HDAC4: variants seen among roughly 807,000 people sequenced by gnomAD.
HDAC4 encodes the protein histone deacetylase A.
In HDAC4, 16 loss-of-function variants were observed where a neutral mutation model predicts 135.1. The ratio of observed to expected loss-of-function variants is 0.12; its 90% CI spans 0.08 to 0.18. HDAC4 has a LOEUF of 0.18. HDAC4 is among the 10% of genes least tolerant of loss of function. HDAC4 has a pLI of 1.00. For missense variants in HDAC4, 1,143 were observed against 1,511.8 expected, an observed-to-expected ratio of 0.76 and a Z score of 4.05; for synonymous variants, 685 against 653.4, an observed-to-expected ratio of 1.05 and a Z score of -0.74.
At chr2:239,253,639 C>T (rs1026839767) in intron 2 of HDAC4, among the ~76,000 whole-genome samples, 2 of 152,220 alleles carry the variant, frequency 1.3e-5, no homozygotes, top group Non-Finnish European at 2.9e-5. Context: ...AAGGATCCCT[C>T]GCTTCCCACT....
intron 14 of HDAC4, among the ~76,000 whole-genome samples, chr2:239,108,842 T>C (rs1311457659): frequency 6.6e-6 from 1 of 152,230 alleles, no homozygotes; most frequent in African/African-American, 2.4e-5. Flanking sequence ...GAGCTCAGCA[T>C]GGACGGGCCC....
intron 1 of HDAC4, among the ~76,000 whole-genome samples, chr2:239,380,191 A>G (rs1695316281): frequency 6.6e-6 from 1 of 152,250 alleles, no homozygotes; most frequent in Admixed American, 6.5e-5. Context: ...GACCAGAGGA[A>G]TAAGAAGAAA....
At chr2:239,165,661 G>A (rs111406588) in intron 5 of HDAC4, among the ~76,000 whole-genome samples, 11 of 152,364 alleles carry the variant, frequency 7.2e-5, no homozygotes, top group Middle Eastern at 3.4e-3. Context: ...GCGGCCAGGT[G>A]CGCCTCAGGT....
At chr2:239,246,495 C>T (rs2048468401) in intron 2 of HDAC4, among the ~76,000 whole-genome samples, 1 of 152,208 alleles carries the variant, frequency 6.6e-6, no homozygotes, top group South Asian at 2.1e-4. Flanking sequence ...GAGCATAGAG[C>T]CAGGTGTGTG....
intron 2 of HDAC4, among the ~76,000 whole-genome samples, chr2:239,290,378 C>A (rs1021704000): frequency 3.3e-5 from 5 of 152,192 alleles, no homozygotes; most frequent in African/African-American, 1.2e-4. Flanking sequence ...GCACCAATGG[C>A]GTGAGGATGT....
chr2:239,356,162 A>T (rs986662926), intron 1 of HDAC4, among the ~76,000 whole-genome samples: 4 of 152,194 alleles, frequency 2.6e-5, no homozygotes, highest in Non-Finnish European at 4.4e-5. Context: ...TAGTTTTAAA[A>T]ATATATATAT....
At chr2:239,371,812 G>A (rs1694642126) in intron 1 of HDAC4, among the ~76,000 whole-genome samples, 1 of 152,196 alleles carries the variant, frequency 6.6e-6, no homozygotes, top group African/African-American at 2.4e-5. Flanking sequence ...TGAGGATCTG[G>A]GCCTGCGCAT....
chr2:239,181,117 G>A (rs1166318753), intron 4 of HDAC4, among the ~76,000 whole-genome samples: 1 of 152,238 alleles, frequency 6.6e-6, no homozygotes, highest in East Asian at 1.9e-4. Flanking sequence ...CCAGACATTG[G>A]GGACAGGACC....
rs151329979 is a variant in HDAC4 at position 239,268,812 on chromosome 2, G to A, written c.23-32148C>T. On this transcript the variant is annotated intron_variant, in intron 2 of 26. Coordinates refer to ENST00000543185, the MANE Select transcript of HDAC4 (RefSeq NM_001378414.1). ...ACCAAGAACAGGGTCAGACAGGCAA[G>A]CTTTTGTGCAGAAGCCTACCAGGGG... is the stretch of plus-strand genomic sequence containing the variant. Among the ~76,000 whole-genome samples, 9 of 152,360 alleles carry A rather than the reference G, an allele frequency of 5.9e-5. No individual in the cohort carries two copies. The East Asian group carries it at 1.2e-3, about 20-fold the overall frequency.
At chr2:239,398,924 G>A (rs1343648132) in intron 1 of HDAC4, among the ~76,000 whole-genome samples, 1 of 152,164 alleles carries the variant, frequency 6.6e-6, no homozygotes, top group African/African-American at 2.4e-5. Flanking sequence ...GAGTACAGCC[G>A]GCTTCTTTTC....
At chr2:239,075,964 C>T (rs1010124581) in intron 22 of HDAC4, among the ~76,000 whole-genome samples, 3 of 151,350 alleles carry the variant, frequency 2.0e-5, no homozygotes, top group Non-Finnish European at 4.4e-5. Flanking sequence ...CCAGCCACTC[C>T]CCTCAGCTTC....
chr2:239,340,757 T>A (rs1692250769), intron 2 of HDAC4, among the ~76,000 whole-genome samples: 1 of 152,130 alleles, frequency 6.6e-6, no homozygotes, highest in East Asian at 1.9e-4. Context: ...TGAGAGGACA[T>A]CTGTGCCCTG....
At chr2:239,385,760 G>A (rs1426590219) in intron 1 of HDAC4, among the ~76,000 whole-genome samples, 1 of 152,218 alleles carries the variant, frequency 6.6e-6, no homozygotes, top group African/African-American at 2.4e-5. Context: ...ACTCACAAAG[G>A]GGACAGGAGG....
chr2:239,115,347 T>C lies in HDAC4; in HGVS notation c.1534-37A>G, dbSNP rs747353958. 4.7e-5 allele frequency: 75 copies of C among 1,611,868 alleles called. No homozygotes were observed. The highest frequency in any genetic ancestry group is 1.6e-4 in the East Asian group (7 of 44,836). ...AGGTAACACATGAAGCACAGAGAGC[T>C]GGGTCCTCTGAGCTCATCTGACAGG... is the stretch of plus-strand genomic sequence containing the variant. On this transcript the variant is annotated intron_variant, in intron 12 of 26. Coordinates refer to ENST00000543185, the MANE Select transcript of HDAC4 (RefSeq NM_001378414.1). This position sits in a 1 kb window ranked among gnomAD's most constrained non-coding sequence, Gnocchi z 6.3.
chr2:239,330,023 G>A (rs868620944), intron 2 of HDAC4, among the ~76,000 whole-genome samples: 5 of 152,224 alleles, frequency 3.3e-5, no homozygotes, highest in Admixed American at 1.3e-4. Flanking sequence ...CTGCTGGCCC[G>A]ACGTGGCCCC....
At chr2:239,150,074 C>T (rs868765638) in intron 7 of HDAC4, among the ~76,000 whole-genome samples, 8 of 151,976 alleles carry the variant, frequency 5.3e-5, no homozygotes, top group Admixed American at 2.0e-4. Flanking sequence ...GAGAGAAAGG[C>T]GTTGAGCTTC....
chr2:239,221,061 G>T (rs1163790534), intron 3 of HDAC4, among the ~76,000 whole-genome samples: 2 of 152,134 alleles, frequency 1.3e-5, no homozygotes, highest in African/African-American at 2.4e-5. Flanking sequence ...CGTGTGACCC[G>T]CTGAGTGAGG....
chr2:239,221,011 C>T (rs538301930), intron 3 of HDAC4, among the ~76,000 whole-genome samples: 2 of 152,278 alleles, frequency 1.3e-5, no homozygotes, highest in East Asian at 3.9e-4. Context: ...AGACCTCCCT[C>T]CCACCAGCCC....
chr2:239,369,495 C>T (rs969234447), intron 1 of HDAC4, among the ~76,000 whole-genome samples: 6 of 152,198 alleles, frequency 3.9e-5, no homozygotes, highest in African/African-American at 1.4e-4. Context: ...TAAACTCCTA[C>T]TTTCTAAGTT....
Sources: gnomAD v4.1 joint callset for allele counts (sites outside exome capture counted in the v4.1 genomes callset) on GRCh38, gnomAD v4.1.1 for gene constraint, Gnocchi (gnomAD v3.1) non-coding constraint, MANE v1.5 for transcripts, NCBI Gene and HGNC (gene_info 2026-07-23, HGNC 2026-07-21) for gene names.